GET1: variants seen among roughly 807,000 people sequenced by gnomAD.
GET1 encodes guided entry of tail-anchored proteins factor 1.
GET1 carries 20 observed loss-of-function variants against 22.6 expected under a neutral mutation model. The ratio of observed to expected loss-of-function variants is 0.89; its 90% CI spans 0.62 to 1.29. GET1 has a LOEUF of 1.29. Ranked by LOEUF, GET1 falls within the 50% of genes most tolerant of loss-of-function variation. GET1 has a pLI of 0.00. For synonymous variants in GET1, 92 were observed against 83.8 expected (o/e 1.10, Z -0.53); for missense variants, 209 against 219.9 (o/e 0.95, Z 0.31).
intron 1 of GET1, among the ~76,000 whole-genome samples, chr21:39,387,407 C>CA (rs2037976383): frequency 6.6e-6 from 1 of 152,138 alleles, no homozygotes; most frequent in Non-Finnish European, 1.5e-5. Flanking sequence ...GCGAAATTAT[C>CA]AAAAAGTCCT....
At chr21:39,394,703 A>G (rs1431422775) in intron 4 of GET1, among the ~76,000 whole-genome samples, 1 of 152,004 alleles carries the variant, frequency 6.6e-6, no homozygotes, top group African/African-American at 2.4e-5. Context: ...CCTCTTTTAT[A>G]AGGGCACTAA....
At chr21:39,411,557 A>G (rs1167711529), downstream of GET1, among the ~76,000 whole-genome samples, 2 of 152,200 alleles carry the variant, frequency 1.3e-5, no homozygotes, top group African/African-American at 2.4e-5. Context: ...CTTGCTAGCC[A>G]TGTCACCATC....
intron 1 of GET1, among the ~76,000 whole-genome samples, chr21:39,417,136 A>G (rs2041337410): frequency 6.6e-6 from 1 of 152,128 alleles, no homozygotes; most frequent in African/African-American, 2.4e-5. Flanking sequence ...GGGTTCAAGC[A>G]TTTCTCCTGC....
chr21:39,410,342 T>G (rs761630500), downstream of GET1: 1 of 1,604,506 alleles, frequency 6.2e-7, no homozygotes, highest in East Asian at 2.2e-5. Flanking sequence ...TTTTTCTGTC[T>G]GCTTGGACTG....
At position 39,397,189 on chromosome 21, in the gene GET1, C is replaced by T. The variant is rs1352275849; in HGVS notation, c.*250C>T. The T allele has an allele frequency of 6.3e-6, 3 of 476,430 alleles. No individual in the cohort carries two copies. Among genetic ancestry groups the T allele is most frequent in the Non-Finnish European group, 1.1e-5 (3 of 268,298 alleles). 29.5% of individuals were successfully genotyped at this position (476,430 alleles called of 1,614,324 possible). A position where few individuals can be genotyped will look rare whatever the true frequency, so the allele number is the denominator to read the frequency against. On this transcript the variant is annotated 3_prime_UTR_variant, in exon 5 of 5. Coordinates refer to ENST00000649170, the MANE Select transcript of GET1 (RefSeq NM_004627.6). ...TAGTGAACACCGTCCTCGATCTGTA[C>T]GAAATGTGAAATGTTTAGGGACATC...
chr21:39,390,671 G>T (rs1324766877), intron 1 of GET1, 27 bp from the exon 2 acceptor site: 2 of 1,613,106 alleles, frequency 1.2e-6, no homozygotes, highest in Non-Finnish European at 1.7e-6. Flanking sequence ...GTTGGAAGGT[G>T]CTGATCCCCG....
chr21:39,383,354 T>C (rs2037685849), intron 1 of GET1, among the ~76,000 whole-genome samples: 1 of 151,928 alleles, frequency 6.6e-6, no homozygotes, highest in Non-Finnish European at 1.5e-5. Flanking sequence ...CAATCTCAGC[T>C]CACTGCAACC....
downstream of GET1, chr21:39,409,954 A>G: frequency 8.0e-7 from 1 of 1,254,358 alleles, no homozygotes; most frequent in South Asian, 1.3e-5. This position sits in a 1 kb window ranked among gnomAD's most constrained non-coding sequence, Gnocchi z 4.2. Flanking sequence ...ATCAGATAAG[A>G]TAGACTTTAA....
chr21:39,382,529 G>A (rs547570847), intron 1 of GET1, among the ~76,000 whole-genome samples: 1 of 152,218 alleles, frequency 6.6e-6, no homozygotes, highest in East Asian at 1.9e-4. Flanking sequence ...TTTTGTGACT[G>A]GCTTCTTTTC....
chr21:39,391,929 G>T, intron 3 of GET1, 93 bp downstream of exon 3: 1 of 1,242,854 alleles, frequency 8.0e-7, no homozygotes, highest in South Asian at 1.2e-5. Context: ...AGTTCGGGCT[G>T]TTCCACCTTC....
chr21:39,411,147 T>A (rs1707552165), downstream of GET1: 3 of 317,912 alleles, frequency 9.4e-6, no homozygotes, highest in African/African-American at 2.2e-5. Context: ...TCCACTTACA[T>A]GAAATTCTAG....
chr21:39,394,640 G>A (rs1411585926), intron 4 of GET1, among the ~76,000 whole-genome samples: 1 of 152,128 alleles, frequency 6.6e-6, no homozygotes, highest in Non-Finnish European at 1.5e-5. Flanking sequence ...CCAGTTCATG[G>A]ATGGTGTCTT....
intron 4 of GET1, among the ~76,000 whole-genome samples, chr21:39,404,732 G>C (rs1359632989): frequency 9.5e-6 from 1 of 105,812 alleles, no homozygotes; most frequent in African/African-American, 3.7e-5. Flanking sequence ...CAGCCTGGGT[G>C]ACACACTGAG....
Position 39,396,953 on chromosome 21 carries a change from T to C in GET1, c.*14T>C, listed in dbSNP as rs1236390425. The C allele has an allele frequency of 6.2e-7, 1 of 1,613,930 alleles. No individual in the cohort carries two copies. On this transcript the variant is annotated 3_prime_UTR_variant, in exon 5 of 5. Transcript: ENST00000649170. ...CCGTTCAGCTGAACAGGAGGATGGA[T>C]ACAGCCGCGAGGCTAAAAAACGGAT... is the stretch of plus-strand genomic sequence containing the variant.
chr21:39,427,015 C>A (rs2074841669), intron 1 of GET1, among the ~76,000 whole-genome samples: 2 of 152,322 alleles, frequency 1.3e-5, no homozygotes, highest in East Asian at 1.9e-4. Flanking sequence ...AATCCCTGTG[C>A]TATAGCAGGG....
At chr21:39,420,521 T>TC (rs1398490658) in intron 1 of GET1, among the ~76,000 whole-genome samples, 1 of 4,294 alleles carries the variant, frequency 2.3e-4, no homozygotes, top group Non-Finnish European at 4.2e-4. Context: ...AGATTCTATC[T>TC]CAAAAAAAAA....
intron 1 of GET1, among the ~76,000 whole-genome samples, chr21:39,425,620 C>A (rs1569105275): frequency 1.3e-5 from 2 of 152,184 alleles, no homozygotes; most frequent in African/African-American, 4.8e-5. Context: ...CACTTTAATA[C>A]TCTGGGCACT....
At chr21:39,416,884 A>C (rs1049860481) in intron 1 of GET1, among the ~76,000 whole-genome samples, 3 of 152,146 alleles carry the variant, frequency 2.0e-5, no homozygotes, top group African/African-American at 7.2e-5. Context: ...GTTTTAAGTC[A>C]CTTGGAATGG....
intron 1 of GET1, among the ~76,000 whole-genome samples, chr21:39,385,784 T>C (rs1324620505): frequency 6.6e-6 from 1 of 151,876 alleles, no homozygotes; most frequent in Admixed American, 6.6e-5. Flanking sequence ...TCAAAGTCCA[T>C]GCAAGCCGCA....
Sources: gnomAD v4.1 joint callset for allele counts (sites outside exome capture counted in the v4.1 genomes callset) on GRCh38, gnomAD v4.1.1 for gene constraint, Gnocchi (gnomAD v3.1) non-coding constraint, MANE v1.5 for transcripts, NCBI Gene and HGNC (gene_info 2026-07-23, HGNC 2026-07-21) for gene names.